The following PM20D2 variants were observed in gnomAD, a reference collection of about 807,000 sequenced individuals.
The protein encoded by PM20D2 is xaa-Arg dipeptidase.
In PM20D2, 33 loss-of-function variants were observed where a neutral mutation model predicts 42.9. The observed-to-expected ratio is 0.77, with a 90% CI of 0.58 to 1.03. PM20D2 has a LOEUF of 1.03. PM20D2 is among the 50% of genes least tolerant of loss of function. The pLI is 0.00. For missense variants in PM20D2, 548 were observed against 557.0 expected, an observed-to-expected ratio of 0.98 and a Z score of 0.16; for synonymous variants, 250 against 228.2, an observed-to-expected ratio of 1.10 and a Z score of -0.86.
the PM20D2 span, among the ~76,000 whole-genome samples, chr6:89,111,782 A>G: frequency 6.6e-6 from 1 of 152,264 alleles, no homozygotes; most frequent in African/African-American, 2.4e-5. Context: ...GCTGACATTT[A>G]TTAGGTTAAG....
At chr6:89,110,113 C>T in the PM20D2 span, among the ~76,000 whole-genome samples, 2 of 151,998 alleles carry the variant, frequency 1.3e-5, no homozygotes, top group African/African-American at 4.8e-5. Flanking sequence ...TTATTTTCTC[C>T]GTATTTGACA....
the PM20D2 span, among the ~76,000 whole-genome samples, chr6:89,112,485 T>C: frequency 6.6e-6 from 1 of 150,838 alleles, no homozygotes; most frequent in South Asian, 2.1e-4. Flanking sequence ...CTCGCTCTGT[T>C]GCCCAGGCTG....
the PM20D2 span, among the ~76,000 whole-genome samples, chr6:89,112,161 C>T: frequency 6.6e-6 from 1 of 152,102 alleles, no homozygotes; most frequent in Non-Finnish European, 1.5e-5. Flanking sequence ...GGTGAACCGC[C>T]CGCCTCGGCC....
At chr6:89,152,494 A>C (rs1402450177) in intron 2 of PM20D2, among the ~76,000 whole-genome samples, 1 of 152,150 alleles carries the variant, frequency 6.6e-6, no homozygotes, top group Non-Finnish European at 1.5e-5. Context: ...TTAGTGATGT[A>C]GGCATTTTGG....
the PM20D2 span, among the ~76,000 whole-genome samples, chr6:89,094,209 C>T: frequency 1.3e-5 from 2 of 151,724 alleles, no homozygotes; most frequent in Non-Finnish European, 2.9e-5. Context: ...GCATCAGCCA[C>T]CGCACCGGCC....
At chr6:89,142,705 T>C (rs1158216965), upstream of PM20D2, among the ~76,000 whole-genome samples, 1 of 152,212 alleles carries the variant, frequency 6.6e-6, no homozygotes, top group East Asian at 1.9e-4. Context: ...TCACCCAGGC[T>C]GGAGTGCAGT....
rs753144352 is a variant in PM20D2 at position 89,146,249 on chromosome 6, C to G, written c.105C>G (p.Ala35=). 5.7e-6 allele frequency: 9 copies of G among 1,579,086 alleles called. No individual in the cohort carries two copies. The highest frequency in any genetic ancestry group is 6.8e-6 in the Non-Finnish European group (8 of 1,170,288). The stretch of plus-strand genomic sequence containing the variant: ...CGGCGGAGTGCATCGACGAGGCGGC[C>G]GAGCGGCTGGGGGCCCTGAGCCGCG... ...LRSAECIDEA[A]ERLGALSRAI... Residue 35 remains alanine (A), a synonymous_variant, in exon 1 of 7, where the codon GCC becomes GCG. Transcript: ENST00000275072.
chr6:89,124,284 G>T, the PM20D2 span, among the ~76,000 whole-genome samples: 1 of 152,180 alleles, frequency 6.6e-6, no homozygotes, highest in Non-Finnish European at 1.5e-5. Context: ...GGTGGTGTGT[G>T]CCTGTAGTTT....
At chr6:89,151,823 C>T (rs1770855372) in intron 2 of PM20D2, among the ~76,000 whole-genome samples, 1 of 152,054 alleles carries the variant, frequency 6.6e-6, no homozygotes, top group African/African-American at 2.4e-5. Flanking sequence ...CCAGGTGGCT[C>T]ACACCTGTAA....
chr6:89,133,972 G>A, the PM20D2 span, among the ~76,000 whole-genome samples: 1 of 151,266 alleles, frequency 6.6e-6, no homozygotes, highest in African/African-American at 2.5e-5. Context: ...CCATCTTGCA[G>A]GGGTCTGTCC....
the PM20D2 span, among the ~76,000 whole-genome samples, chr6:89,103,518 G>GA: frequency 7.9e-3 from 1,200 of 152,100 alleles, 14 homozygotes; most frequent in African/African-American, 0.028. Context: ...TAGTAGACAC[G>GA]GGGTTTCGCC....
At chr6:89,152,177 G>A (rs577973933) in intron 2 of PM20D2, among the ~76,000 whole-genome samples, 5 of 152,100 alleles carry the variant, frequency 3.3e-5, no homozygotes, top group South Asian at 2.1e-4. Context: ...AATCTAATAC[G>A]TGTTTGATGT....
intron 3 of PM20D2, among the ~76,000 whole-genome samples, chr6:89,153,465 G>T (rs1379334251): frequency 6.6e-6 from 1 of 151,886 alleles, no homozygotes; most frequent in Non-Finnish European, 1.5e-5. Flanking sequence ...CTTTCGGTGG[G>T]TGTTTGAAAA....
At chr6:89,118,583 C>G in the PM20D2 span, among the ~76,000 whole-genome samples, 1 of 152,202 alleles carries the variant, frequency 6.6e-6, no homozygotes, top group Admixed American at 6.5e-5. Flanking sequence ...TTCCAAAGTG[C>G]TGGGATTACA....
rs1445058014 is a variant in PM20D2, at chr6:89,158,347, A to G, written c.935A>G (p.His312Arg). ...GCTVEIKGGA[H>R]DYYNVLPNKS... ...TAGGTGGAAATTAAAGGTGGAGCACATGATTATTACAATGTTCTTCCCAAT... is the reference window on the plus strand; with the variant it reads ...TAGGTGGAAATTAAAGGTGGAGCACGTGATTATTACAATGTTCTTCCCAAT... The change falls in exon 5 of 7, where the codon CAT (histidine) becomes CGT (arginine). Residue 312 changes from histidine to arginine, a missense_variant. Coordinates refer to ENST00000275072, the MANE Select transcript of PM20D2 (RefSeq NM_001010853.3). 2 of 1,590,760 alleles carry G rather than the reference A, an allele frequency of 1.3e-6. No individual in the cohort carries two copies. The highest frequency in any genetic ancestry group is 3.9e-5 in the Admixed American group (2 of 51,592).
At chr6:89,159,933 C>T (rs1178317403) in intron 5 of PM20D2, among the ~76,000 whole-genome samples, 2 of 152,178 alleles carry the variant, frequency 1.3e-5, no homozygotes, top group Non-Finnish European at 2.9e-5. Context: ...CCTGCTCTAC[C>T]CCGGGTTTGG....
intron 4 of PM20D2, 142 bp from the exon 5 acceptor site, chr6:89,158,183 A>G: frequency 1.4e-6 from 1 of 701,322 alleles, no homozygotes. Context: ...TTTTAAGGTA[A>G]GAGATTTGAG....
chr6:89,105,116 C>CA, the PM20D2 span: 3 of 1,603,950 alleles, frequency 1.9e-6, no homozygotes, highest in Non-Finnish European at 1.7e-6. Flanking sequence ...CTCTTATACT[C>CA]ACTCTTTAAG....
At chr6:89,094,781 CTTTT>C in the PM20D2 span, among the ~76,000 whole-genome samples, 17 of 138,842 alleles carry the variant, frequency 1.2e-4, no homozygotes, top group Admixed American at 1.4e-4. Flanking sequence ...TGCTACGCAT[CTTTT>C]TTTTTTTTTT....
Sources: allele counts gnomAD v4.1 joint callset (sites outside exome capture counted in the v4.1 genomes callset), GRCh38; gene constraint gnomAD v4.1.1; transcripts MANE v1.5; gene names NCBI Gene and HGNC (gene_info 2026-07-23, HGNC 2026-07-21).